The following VRK1 variants were observed in gnomAD, a reference collection of about 807,000 sequenced individuals.
The protein encoded by VRK1 is serine/threonine-protein kinase VRK1.
VRK1 carries 33 observed loss-of-function variants against 57.1 expected under a neutral mutation model. The observed-to-expected ratio is 0.58, with a 90% CI of 0.44 to 0.77. VRK1 has a LOEUF of 0.77. VRK1 is among the 30% of genes least tolerant of loss of function. VRK1 has a pLI of 0.00. For missense variants in VRK1, 413 were observed against 477.3 expected (o/e 0.87, Z 1.25); for synonymous variants, 137 against 147.8 (o/e 0.93, Z 0.53).
rs771769424 is a variant in VRK1, at chr14:96,833,590, G to C, written c.119G>C (p.Gly40Ala). ...TDMAKKEWKV[G>A]LPIGQGGFGC... ...ATGGCAAAAAAGGAATGGAAAGTAGGATTACCCATTGGCCAAGGAGGCTTT... is the reference window on the plus strand; with the variant it reads ...ATGGCAAAAAAGGAATGGAAAGTAGCATTACCCATTGGCCAAGGAGGCTTT... The change falls in exon 2 of 13, where the codon GGA becomes GCA. Residue 40 changes from glycine (G) to alanine (A), a missense_variant. Coordinates refer to ENST00000216639, the MANE Select transcript of VRK1 (RefSeq NM_003384.3). 6.2e-7 allele frequency: 1 copy of C among 1,613,756 alleles called. No homozygotes were observed. Among genetic ancestry groups the C allele is most frequent in the East Asian group, 2.2e-5 (1 of 44,856 alleles).
chr14:96,801,201 T>C (rs1002450324), intron 1 of VRK1, among the ~76,000 whole-genome samples: 1 of 152,212 alleles, frequency 6.6e-6, no homozygotes, highest in African/African-American at 2.4e-5. Flanking sequence ...CATTATCTAA[T>C]TGTCATTTAT....
intron 1 of VRK1, among the ~76,000 whole-genome samples, chr14:96,809,092 G>C (rs1184694714): frequency 6.6e-6 from 1 of 151,794 alleles, no homozygotes; most frequent in Non-Finnish European, 1.5e-5. Context: ...AGAACGTCTA[G>C]AAGACTGGGA....
rs1343321554 is a variant in VRK1, at chr14:96,881,198, T to A, written c.1181T>A (p.Val394Asp). The change falls in exon 13 of 13, where the codon GTC becomes GAC. Residue 394 changes from valine to aspartate, a missense_variant. Coordinates refer to ENST00000216639, the MANE Select transcript of VRK1 (RefSeq NM_003384.3). ...CAAGGTTCAAGAACCAGAAAGAGAG[T>A]CCAGAAGTAATTCAGATGCTGTGAA... The part of the protein sequence containing the change: ...IQTRSRTRKR[V>D]QK The A allele has an allele frequency of 6.2e-7, 1 of 1,605,612 alleles. No homozygotes were observed. Among genetic ancestry groups the A allele is most frequent in the Non-Finnish European group, 8.5e-7 (1 of 1,175,388 alleles).
rs1887271964 is a variant in VRK1, at chr14:96,837,624, G to A, written c.161-138G>A. 3 of 407,862 alleles carry A rather than the reference G, an allele frequency of 7.4e-6. No individual in the cohort carries two copies. The South Asian group carries it at 3.1e-4, about 42-fold the overall frequency. The allele number at this position is 407,862 out of a possible 1,614,324, so 25.3% of individuals were successfully genotyped here. ...ATAAAAGTCTTAAAATTTATGAAAT[G>A]TACTGTAATGATATCCTGAAACACA... On this transcript the variant is annotated intron_variant, in intron 2 of 12. Coordinates refer to ENST00000216639, the MANE Select transcript of VRK1 (RefSeq NM_003384.3).
intron 8 of VRK1, 87 bp from the exon 9 acceptor site, chr14:96,856,043 T>C: frequency 6.8e-7 from 1 of 1,475,488 alleles, no homozygotes; most frequent in Non-Finnish European, 9.2e-7. Flanking sequence ...GGAGTTGACT[T>C]GTTTTATGTT....
intron 1 of VRK1, among the ~76,000 whole-genome samples, chr14:96,803,652 G>C (rs972743305): frequency 1.3e-5 from 2 of 152,172 alleles, no homozygotes; most frequent in Non-Finnish European, 2.9e-5. Flanking sequence ...GAGGGCTTTG[G>C]AATGTATCCC....
chr14:96,829,840 A>G (rs1226074433), intron 1 of VRK1, among the ~76,000 whole-genome samples: 6 of 152,144 alleles, frequency 3.9e-5, no homozygotes, highest in Middle Eastern at 3.2e-3. Flanking sequence ...CTACAAGTAT[A>G]TATTTACTGC....
chr14:96,813,230 C>T (rs1453340707), intron 1 of VRK1, among the ~76,000 whole-genome samples: 4 of 152,194 alleles, frequency 2.6e-5, no homozygotes, highest in African/African-American at 9.7e-5. Flanking sequence ...GTGCTCTTAA[C>T]ACTGCTCGGT....
intron 1 of VRK1, among the ~76,000 whole-genome samples, chr14:96,816,143 T>C (rs1195167789): frequency 6.6e-6 from 1 of 152,110 alleles, no homozygotes; most frequent in Non-Finnish European, 1.5e-5. Context: ...GGGCCCCCGT[T>C]GTCCAGTGGG....
intron 1 of VRK1, among the ~76,000 whole-genome samples, chr14:96,822,901 G>C (rs1886656673): frequency 6.6e-6 from 1 of 152,140 alleles, no homozygotes; most frequent in South Asian, 2.1e-4. Context: ...CTTCCCCCTT[G>C]CTCACGCCAC....
intron 1 of VRK1, among the ~76,000 whole-genome samples, chr14:96,804,829 C>T (rs1194904065): frequency 6.6e-6 from 1 of 152,152 alleles, no homozygotes; most frequent in Non-Finnish European, 1.5e-5. Context: ...GTTATAAATT[C>T]CTAGTATTTT....
intron 3 of VRK1, among the ~76,000 whole-genome samples, chr14:96,841,384 C>G (rs1334262053): frequency 6.6e-6 from 1 of 152,086 alleles, no homozygotes; most frequent in Admixed American, 6.6e-5. Context: ...AGTTTAAGAC[C>G]AAGTACCTAG....
intron 10 of VRK1, among the ~76,000 whole-genome samples, chr14:96,857,567 G>C (rs553546432): frequency 6.6e-6 from 1 of 152,264 alleles, no homozygotes; most frequent in East Asian, 1.9e-4. Context: ...AGGGTCTCCT[G>C]CTTCTGGCAT....
intron 1 of VRK1, among the ~76,000 whole-genome samples, chr14:96,815,718 A>T (rs1400213986): frequency 2.0e-5 from 3 of 150,924 alleles, no homozygotes; most frequent in African/African-American, 4.9e-5. Context: ...ACCTCACTCT[A>T]CTAAAAAAAA....
chr14:96,820,872 C>A (rs1268884540), intron 1 of VRK1, among the ~76,000 whole-genome samples: 1 of 152,080 alleles, frequency 6.6e-6, no homozygotes, highest in Non-Finnish European at 1.5e-5. Context: ...TAATTTTGTT[C>A]TGAATTTCCT....
At chr14:96,853,035 A>C in intron 6 of VRK1, 39 bp from the exon 7 acceptor site, 1 of 1,607,794 alleles carries the variant, frequency 6.2e-7, no homozygotes, top group South Asian at 1.1e-5. Context: ...GGCTGGTGTT[A>C]GGTACTGCAT....
chr14:96,804,057 C>A (rs1885773351), intron 1 of VRK1, among the ~76,000 whole-genome samples: 1 of 152,142 alleles, frequency 6.6e-6, no homozygotes, highest in South Asian at 2.1e-4. Flanking sequence ...ATATATGGAT[C>A]GTGTTTTTAG....
intron 11 of VRK1, among the ~76,000 whole-genome samples, chr14:96,864,741 T>A (rs1473484187): frequency 6.6e-6 from 1 of 152,194 alleles, no homozygotes; most frequent in Non-Finnish European, 1.5e-5. Context: ...TTCCAGTTGC[T>A]CACTGACACT....
chr14:96,854,793 A>T (rs1375039241), intron 7 of VRK1, among the ~76,000 whole-genome samples: 1 of 152,200 alleles, frequency 6.6e-6, no homozygotes, highest in East Asian at 1.9e-4. Context: ...ATGTGTCAGC[A>T]TCATTAGCAG....
Sources: allele counts gnomAD v4.1 joint callset (sites outside exome capture counted in the v4.1 genomes callset), GRCh38; gene constraint gnomAD v4.1.1; transcripts MANE v1.5; gene names NCBI Gene and HGNC (gene_info 2026-07-23, HGNC 2026-07-21).